KLHL23: variants seen among roughly 807,000 people sequenced by gnomAD.
The protein encoded by KLHL23 is kelch like family member 23.
KLHL23 carries 33 observed loss-of-function variants against 48.9 expected under a neutral mutation model. The observed-to-expected ratio is 0.67, with a 90% CI of 0.51 to 0.90. The LOEUF (loss-of-function observed/expected upper bound fraction) is 0.90, where lower values mean the gene tolerates loss of function less well. Among genes scored for constraint, KLHL23 ranks in the 40% least tolerant of loss-of-function variants. The pLI is 0.00. For synonymous variants in KLHL23, 234 were observed against 231.6 expected (o/e 1.01, Z -0.09); for missense variants, 608 against 669.6 (o/e 0.91, Z 1.02).
rs1436649344 is a variant in KLHL23, at chr2:169,749,343, A to G, written c.1367-79A>G. 4.3e-6 allele frequency: 6 copies of G among 1,390,380 alleles called. No homozygotes were observed. In the African/African-American group the frequency reaches 7.3e-5, roughly 17 times the overall value. 86.1% of individuals were successfully genotyped at this position (1,390,380 alleles called of 1,614,324 possible). ...TTTGTGTGCTAAATTTTAAAGGATT[A>G]TTACATTACCACACTGTGGAATCTC... On this transcript the variant is annotated intron_variant, in intron 3 of 3. Transcript: ENST00000392647.
At chr2:169,739,809 C>A (rs1220626088) in intron 2 of KLHL23, among the ~76,000 whole-genome samples, 1 of 152,116 alleles carries the variant, frequency 6.6e-6, no homozygotes, top group South Asian at 2.1e-4. Context: ...CAGGCTATAC[C>A]ATACTAATTC....
intron 2 of KLHL23, chr2:169,741,157 A>T (rs1688667981): frequency 2.6e-6 from 1 of 389,408 alleles, no homozygotes; most frequent in Non-Finnish European, 4.5e-6. Context: ...TTATAATTTT[A>T]TGGAGATCAT....
At chr2:169,738,292 G>GT (rs201546741) in intron 2 of KLHL23, among the ~76,000 whole-genome samples, 21,034 of 142,728 alleles carry the variant, frequency 0.15, 1,477 homozygotes, top group Middle Eastern at 0.22. Flanking sequence ...ACTAGAAATG[G>GT]CGGGGGGTCT....
Position 169,735,586 on chromosome 2 carries a change from A to G in KLHL23, c.572A>G (p.Asn191Ser). Residue 191 changes from asparagine to serine, a missense_variant, in exon 2 of 4, where the codon AAT (asparagine) becomes AGT (serine). Physicochemically the swap from Asn to Ser is conservative, Grantham distance 46. This residue lies in a region of KLHL23 where 419 missense variants were observed against 473.1 expected (regional missense o/e 0.89). Coordinates refer to ENST00000392647, the MANE Select transcript of KLHL23 (RefSeq NM_144711.6). This position sits in a 1 kb window ranked among gnomAD's most constrained non-coding sequence, Gnocchi z 4.5. The stretch of plus-strand genomic sequence containing the variant: ...TTTCTCTTTATCTTGTCCAGAAAGA[A>G]TCTCAGTGTTTGGAAAGAAGAAGCT... Reference protein sequence around the residue: ...EKFLFILSRKNLSVWKEEAII... With the variant: ...EKFLFILSRKSLSVWKEEAII... 1 of 1,613,970 alleles carries G rather than the reference A, an allele frequency of 6.2e-7. No homozygotes were observed. Among genetic ancestry groups the G allele is most frequent in the Non-Finnish European group, 8.5e-7 (1 of 1,180,020 alleles).
At chr2:169,745,845 T>C (rs1471610700) in intron 3 of KLHL23, among the ~76,000 whole-genome samples, 2 of 152,046 alleles carry the variant, frequency 1.3e-5, no homozygotes, top group African/African-American at 2.4e-5. Context: ...ATGAGCTCGA[T>C]TTTATAGTTT....
chr2:169,741,644 T>A, intron 3 of KLHL23, 107 bp downstream of exon 3: 1 of 1,314,674 alleles, frequency 7.6e-7, no homozygotes, highest in Non-Finnish European at 1.0e-6. Context: ...TATTGTAGAC[T>A]ACACATGGGT....
chr2:169,740,228 T>C (rs1048396922), intron 2 of KLHL23, among the ~76,000 whole-genome samples: 3 of 152,134 alleles, frequency 2.0e-5, no homozygotes, highest in Admixed American at 6.5e-5. Context: ...TCCTCCCACC[T>C]CAGCCTCCCG....
At chr2:169,748,688 GC>G (rs1396183033) in intron 3 of KLHL23, among the ~76,000 whole-genome samples, 2 of 151,500 alleles carry the variant, frequency 1.3e-5, no homozygotes. Context: ...TGTGAGATAT[GC>G]TGGTGCTTTG....
rs1229217724 is a variant in KLHL23 at position 169,741,430 on chromosome 2, T to G, written c.1259T>G (p.Val420Gly). The G allele has an allele frequency of 1.4e-5, 22 of 1,613,906 alleles. No homozygotes were observed. Among genetic ancestry groups the G allele is most frequent in the Non-Finnish European group, 1.9e-5 (22 of 1,179,882 alleles). ...TACVLHDVIY[V>G]IGGHCGYRGS... ...TGTGTCTTACATGATGTTATCTACGTCATTGGTGGCCACTGTGGCTACAGA... is the reference window on the plus strand; with the variant it reads ...TGTGTCTTACATGATGTTATCTACGGCATTGGTGGCCACTGTGGCTACAGA... Residue 420 changes from valine (V) to glycine (G), a missense_variant, in exon 3 of 4, where the codon GTC becomes GGC. Val to Gly is a moderately radical substitution (Grantham distance 109). Around this residue, in one of 3 missense-constraint regions of KLHL23, gnomAD observed 10 missense variants for 26.6 expected, o/e 0.38. Coordinates refer to ENST00000392647, the MANE Select transcript of KLHL23 (RefSeq NM_144711.6).
rs766700655 is a variant in KLHL23, at chr2:169,749,620, C to T, written c.1565C>T (p.Thr522Met). 3.3e-5 allele frequency: 53 copies of T among 1,613,818 alleles called. No homozygotes were observed. The East Asian group carries it at 8.7e-4, about 26-fold the overall frequency. The change falls in exon 4 of 4, where the codon ACG becomes ATG. Residue 522 changes from threonine to methionine, a missense_variant. Physicochemically the swap from Thr to Met is moderately conservative, Grantham distance 81. Transcript: ENST00000392647. ...GGAGGATACTCCTACTCAAAGGGAA[C>T]GTATCTTCAGAGCATTGAGAAATAT... is the stretch of plus-strand genomic sequence containing the variant. ...VTGGYSYSKG[T>M]YLQSIEKYDP...
Position 169,751,722 on chromosome 2 carries a change from A to C in KLHL23, c.*1990A>C, listed in dbSNP as rs1294234101. The C allele has an allele frequency of 6.6e-6, 1 of 152,264 alleles. No individual in the cohort carries two copies. The allele number at this position is 152,264 out of a possible 1,614,324, so 9.4% of individuals were successfully genotyped here. ...ATGAGCACAATACAAAATAGTATGC[A>C]TACTATGATTGTGACTTTGTAAAAT... On this transcript the variant is annotated 3_prime_UTR_variant, in exon 4 of 4. Transcript: ENST00000392647.
chr2:169,749,403 C>CTTTT lies in KLHL23; in HGVS notation c.1367-15_1367-12dup, dbSNP rs765106767. The CTTTT allele has an allele frequency of 6.4e-7, 1 of 1,554,848 alleles. No individual in the cohort carries two copies. Among genetic ancestry groups the CTTTT allele is most frequent in the Non-Finnish European group, 8.7e-7 (1 of 1,151,538 alleles). On this transcript the variant is annotated intron_variant, in intron 3 of 3. Coordinates refer to ENST00000392647, the MANE Select transcript of KLHL23 (RefSeq NM_144711.6). ...TTATCCTTTAAAAAAATGCTGTTTTCTTTTTTTCTTTTTAAAAGAATATGG... is the reference window on the plus strand; with the variant it reads ...TTATCCTTTAAAAAAATGCTGTTTTCTTTTTTTTTTTCTTTTTAAAAGAATATGG...
At chr2:169,740,639 G>A (rs1384011383) in intron 2 of KLHL23, among the ~76,000 whole-genome samples, 12 of 150,534 alleles carry the variant, frequency 8.0e-5, no homozygotes, top group Admixed American at 7.9e-4. Context: ...TAGTAGAGAC[G>A]GGGTTTCACC....
chr2:169,742,633 A>G (rs573548197), intron 3 of KLHL23, among the ~76,000 whole-genome samples: 1 of 152,260 alleles, frequency 6.6e-6, no homozygotes, highest in African/African-American at 2.4e-5. Context: ...ATCCCATATG[A>G]TGGTTAATCT....
intron 3 of KLHL23, among the ~76,000 whole-genome samples, chr2:169,743,010 A>G (rs1193294684): frequency 1.3e-5 from 2 of 152,244 alleles, no homozygotes; most frequent in East Asian, 1.9e-4. Flanking sequence ...GAGATTATAT[A>G]AATTGCCCAA....
chr2:169,735,847 T>C lies in KLHL23; in HGVS notation c.833T>C (p.Ile278Thr), dbSNP rs1688501053. 6.2e-7 allele frequency: 1 copy of C among 1,614,088 alleles called. No homozygotes were observed. Among genetic ancestry groups the C allele is most frequent in the Non-Finnish European group, 8.5e-7 (1 of 1,180,036 alleles). Residue 278 changes from isoleucine (I) to threonine (T), a missense_variant, in exon 2 of 4, where the codon ATT becomes ACT. By Grantham distance (89) the Ile-to-Thr change is moderately conservative. Coordinates refer to ENST00000392647, the MANE Select transcript of KLHL23 (RefSeq NM_144711.6). The surrounding 1 kb of genome is among the most constrained non-coding windows in gnomAD (Gnocchi z 4.5). ...AGGTCCACAGCCACAATGTATATAA[T>C]TGGAGGCTATTACTGGCATCCTTTA... ...SQRSTATMYI[I>T]GGYYWHPLSE...
Position 169,736,577 on chromosome 2 carries a change from A to G in KLHL23, c.1213+350A>G, listed in dbSNP as rs563626029. ...AGAGGTCCTTCATTAAAACCTTGGA[A>G]GGTTTGGTCCCTACAGGATGTAACA... On this transcript the variant is annotated intron_variant, in intron 2 of 3. Coordinates refer to ENST00000392647, the MANE Select transcript of KLHL23 (RefSeq NM_144711.6). Among the ~76,000 whole-genome samples, 3 of 152,286 alleles carry G rather than the reference A, an allele frequency of 2.0e-5. No homozygotes were observed. The South Asian group carries it at 6.2e-4, about 32-fold the overall frequency.
rs781533649 is a variant in KLHL23, at chr2:169,749,558, C to T, written c.1503C>T (p.Cys501=). The T allele has an allele frequency of 2.6e-5, 42 of 1,613,976 alleles. No individual in the cohort carries two copies. Among genetic ancestry groups the T allele is most frequent in the African/African-American group, 1.3e-4 (10 of 74,928 alleles). ...IAPMMERRME[C]GAVIMNGCIY... ...CCATGATGGAAAGGAGGATGGAGTG[C>T]GGTGCCGTCATCATGAATGGATGTA... Residue 501 remains cysteine, a synonymous_variant, in exon 4 of 4, where the codon TGC becomes TGT. Coordinates refer to ENST00000392647, the MANE Select transcript of KLHL23 (RefSeq NM_144711.6).
Position 169,749,493 on chromosome 2 carries a change from T to C in KLHL23, c.1438T>C (p.Cys480Arg). 1 of 1,614,126 alleles carries C rather than the reference T, an allele frequency of 6.2e-7. No homozygotes were observed. The highest frequency in any genetic ancestry group is 8.5e-7 in the Non-Finnish European group (1 of 1,180,014). ...LVGGQTTITE[C>R]YDPEQNEWRE... is the part of the protein sequence containing the mutation. ...CGGCGGACAAACTACAATCACAGAATGCTATGACCCTGAACAAAATGAATG... is the reference window on the plus strand; with the variant it reads ...CGGCGGACAAACTACAATCACAGAACGCTATGACCCTGAACAAAATGAATG... Residue 480 changes from cysteine to arginine, a missense_variant, in exon 4 of 4, where the codon TGC becomes CGC. Physicochemically the swap from Cys to Arg is radical, Grantham distance 180 (BLOSUM62 -3). Around this residue, in one of 3 missense-constraint regions of KLHL23, gnomAD observed 179 missense variants for 169.9 expected, o/e 1.05. Coordinates refer to ENST00000392647, the MANE Select transcript of KLHL23 (RefSeq NM_144711.6).
Sources: gnomAD v4.1 joint callset for allele counts (sites outside exome capture counted in the v4.1 genomes callset) on GRCh38, gnomAD v4.1.1 for gene constraint, gnomAD v4.1.1 regional missense constraint, Gnocchi (gnomAD v3.1) non-coding constraint, MANE v1.5 for transcripts, NCBI Gene and HGNC (gene_info 2026-07-23, HGNC 2026-07-21) for gene names.